The following KLHL29 variants were observed in gnomAD, a reference collection of about 807,000 sequenced individuals.
The protein encoded by KLHL29 is kelch-like protein 29.
KLHL29 carries 21 observed loss-of-function variants against 80.4 expected under a neutral mutation model. The observed-to-expected ratio is 0.26, with a 90% confidence interval of 0.19 to 0.38. KLHL29 has a LOEUF of 0.38. KLHL29 is among the 10% of genes least tolerant of loss of function. The pLI is 1.00. For synonymous variants in KLHL29, 511 were observed against 526.8 expected (o/e 0.97, Z 0.41); for missense variants, 867 against 1,223.9 (o/e 0.71, Z 4.35).
At chr2:23,401,415 A>G (rs536413583) in intron 1 of KLHL29, among the ~76,000 whole-genome samples, 1 of 152,308 alleles carries the variant, frequency 6.6e-6, no homozygotes, top group African/African-American at 2.4e-5. Flanking sequence ...GTAAGCTTGC[A>G]AGGCCCAGCT....
intron 2 of KLHL29, among the ~76,000 whole-genome samples, chr2:23,543,789 C>T (rs946787545): frequency 2.6e-5 from 4 of 152,184 alleles, no homozygotes; most frequent in Non-Finnish European, 2.9e-5. Flanking sequence ...GGAATTGCGT[C>T]GTGGATGTGT....
At chr2:23,637,548 C>G (rs1357109888) in intron 3 of KLHL29, among the ~76,000 whole-genome samples, 1 of 152,182 alleles carries the variant, frequency 6.6e-6, no homozygotes, top group Non-Finnish European at 1.5e-5. Flanking sequence ...AAATGCAGGC[C>G]AGAGATAAAG....
chr2:23,677,148 G>A (rs1670945552), intron 5 of KLHL29, among the ~76,000 whole-genome samples: 1 of 152,234 alleles, frequency 6.6e-6, no homozygotes, highest in Admixed American at 6.5e-5. Flanking sequence ...TAGAGGGCAT[G>A]AGAATGTTCC....
At position 23,556,574 on chromosome 2, in the gene KLHL29, A is replaced by C. The variant is rs1481583263; in HGVS notation, c.-45-5578A>C. 3.3e-5 allele frequency among the ~76,000 whole-genome samples: 5 copies of C among 151,642 alleles called. No homozygotes were observed. In the East Asian group the frequency reaches 9.7e-4, roughly 29 times the overall value. On this transcript the variant is annotated intron_variant, in intron 2 of 13. Transcript: ENST00000486442. ...AGGCTGAGGCAGGAGAATCGCTTGAACCTGGGAGTTGGAGGTTGCGGTGAG... is the reference window on the plus strand; with the variant it reads ...AGGCTGAGGCAGGAGAATCGCTTGACCCTGGGAGTTGGAGGTTGCGGTGAG...
Position 23,475,607 on chromosome 2 carries a change from C to A in KLHL29, c.-106C>A, listed in dbSNP as rs941083786. On this transcript the variant is annotated 5_prime_UTR_variant, in exon 2 of 14. Transcript: ENST00000486442. ...CTCACGCTTTGCTAAGTGTTGGCGG[C>A]CATCGTGGTTTTCGCATCCTGGGGA... 1.2e-5 allele frequency: 2 copies of A among 166,994 alleles called. No homozygotes were observed. The highest frequency in any genetic ancestry group is 4.8e-5 in the African/African-American group (2 of 41,400). The allele number at this position is 166,994 out of a possible 1,614,324, so 10.3% of individuals were successfully genotyped here. A position where few individuals can be genotyped will look rare whatever the true frequency, so the allele number is the denominator to read the frequency against.
chr2:23,551,960 G>A (rs1291234110), intron 2 of KLHL29, among the ~76,000 whole-genome samples: 1 of 152,264 alleles, frequency 6.6e-6, no homozygotes, highest in African/African-American at 2.4e-5. Flanking sequence ...CTTTTCCTGG[G>A]TTATAAAATG....
chr2:23,693,320 C>T lies in KLHL29; in HGVS notation c.1334C>T (p.Ala445Val), dbSNP rs1252252695. 6.4e-7 allele frequency: 1 copy of T among 1,550,712 alleles called. No homozygotes were observed. Among genetic ancestry groups the T allele is most frequent in the Admixed American group, 2.0e-5 (1 of 50,998 alleles). Residue 445 changes from alanine to valine, a missense_variant, in exon 8 of 14, where the codon GCC becomes GTC. Physicochemically the swap from Ala to Val is moderately conservative, Grantham distance 64. Coordinates refer to ENST00000486442, the MANE Select transcript of KLHL29 (RefSeq NM_052920.2). ...NCLGVLAMAE[A>V]MQCSELYHMA... ...CTGGGCGTGCTGGCCATGGCCGAGG[C>T]CATGCAGTGCAGCGAGCTCTACCAC...
At chr2:23,624,572 C>G (rs1233540238) in intron 3 of KLHL29, among the ~76,000 whole-genome samples, 2 of 152,180 alleles carry the variant, frequency 1.3e-5, no homozygotes, top group Non-Finnish European at 2.9e-5. Context: ...GGTCGTGATG[C>G]TTTGGTCTCA....
At chr2:23,688,423 T>C (rs1671378018) in intron 6 of KLHL29, among the ~76,000 whole-genome samples, 1 of 152,102 alleles carries the variant, frequency 6.6e-6, no homozygotes, top group Admixed American at 6.5e-5. Flanking sequence ...ACATCTGATC[T>C]CTGAGGTGCA....
chr2:23,666,022 C>T (rs1398754991), intron 5 of KLHL29, among the ~76,000 whole-genome samples: 1 of 152,194 alleles, frequency 6.6e-6, no homozygotes, highest in African/African-American at 2.4e-5. Context: ...GACAGGCCCA[C>T]ACCTCACCCC....
At chr2:23,557,798 GAT>G (rs1469206680) in intron 2 of KLHL29, among the ~76,000 whole-genome samples, 1 of 152,122 alleles carries the variant, frequency 6.6e-6, no homozygotes, top group Non-Finnish European at 1.5e-5. Context: ...CTTCTTTGGC[GAT>G]ATGTGAGGTT....
intron 1 of KLHL29, among the ~76,000 whole-genome samples, chr2:23,470,459 T>A (rs1215092357): frequency 6.6e-6 from 1 of 152,164 alleles, no homozygotes; most frequent in Non-Finnish European, 1.5e-5. Context: ...TGGACAACCT[T>A]TTTTTGCCAT....
chr2:23,684,475 G>A lies in KLHL29; in HGVS notation c.1017G>A (p.Glu339=). The change falls in exon 6 of 14, where the codon GAG becomes GAA. Residue 339 remains glutamate (E), a synonymous_variant. Coordinates refer to ENST00000486442, the MANE Select transcript of KLHL29 (RefSeq NM_052920.2). This position sits in a 1 kb window ranked among gnomAD's most constrained non-coding sequence, Gnocchi z 4.4. Reference sequence around the variant, plus strand: ...TGAAAATTGTTGTTGAAGGCAGAGAGTTTGAAGTCCACCAAAATGTTCTAG... The same window carrying A: ...TGAAAATTGTTGTTGAAGGCAGAGAATTTGAAGTCCACCAAAATGTTCTAG... ...TDLKIVVEGR[E]FEVHQNVLAS... 6.4e-7 allele frequency: 1 copy of A among 1,551,180 alleles called. No individual in the cohort carries two copies. The highest frequency in any genetic ancestry group is 1.2e-5 in the South Asian group (1 of 83,924).
chr2:23,505,201 G>A (rs564976053), intron 2 of KLHL29, among the ~76,000 whole-genome samples: 332 of 152,322 alleles, frequency 2.2e-3, no homozygotes, highest in Non-Finnish European at 3.9e-3. Flanking sequence ...TGCAGGTGGA[G>A]AAACTGAGGC....
intron 3 of KLHL29, among the ~76,000 whole-genome samples, chr2:23,602,017 A>G (rs1030471631): frequency 6.6e-6 from 1 of 152,170 alleles, no homozygotes; most frequent in African/African-American, 2.4e-5. Context: ...CAGAGGGAGC[A>G]GAATCCAGTG....
At chr2:23,472,390 C>A (rs1664517383) in intron 1 of KLHL29, among the ~76,000 whole-genome samples, 1 of 152,134 alleles carries the variant, frequency 6.6e-6, no homozygotes, top group Non-Finnish European at 1.5e-5. Flanking sequence ...AGTTTTAGCA[C>A]TTTGGGAGGC....
chr2:23,533,156 C>T (rs559898146), intron 2 of KLHL29, among the ~76,000 whole-genome samples: 1 of 152,208 alleles, frequency 6.6e-6, no homozygotes, highest in Admixed American at 6.5e-5. Flanking sequence ...AAAAGGTGTA[C>T]ACATACGGCA....
chr2:23,451,547 A>G lies in KLHL29; in HGVS notation c.-153-24013A>G, dbSNP rs559885425. Reference sequence around the variant, plus strand: ...GAGCCTCCTGCATCTCCCTCTTCCCAAGGCAGCCTCATGGCCCCACTTGAG... The same window carrying G: ...GAGCCTCCTGCATCTCCCTCTTCCCGAGGCAGCCTCATGGCCCCACTTGAG... On this transcript the variant is annotated intron_variant, in intron 1 of 13. Transcript: ENST00000486442. Among the ~76,000 whole-genome samples the G allele has an allele frequency of 2.8e-3, 432 of 152,216 alleles. 4 individuals are homozygous for G. Among genetic ancestry groups the G allele is most frequent in the African/African-American group, 9.8e-3 (405 of 41,538 alleles).
intron 5 of KLHL29, among the ~76,000 whole-genome samples, chr2:23,648,303 C>G (rs1010534355): frequency 1.3e-5 from 2 of 152,148 alleles, no homozygotes; most frequent in Non-Finnish European, 2.9e-5. Context: ...AGTTATTTTA[C>G]ATACTCGTAG....
Sources: gnomAD v4.1 joint callset for allele counts (sites outside exome capture counted in the v4.1 genomes callset) on GRCh38, gnomAD v4.1.1 for gene constraint, Gnocchi (gnomAD v3.1) non-coding constraint, MANE v1.5 for transcripts, NCBI Gene and HGNC (gene_info 2026-07-23, HGNC 2026-07-21) for gene names.